Variants in DLGAP1 observed in about 807,000 individuals in gnomAD.
DLGAP1 encodes the protein DLG associated protein 1.
A neutral mutation model predicts 90.8 loss-of-function variants in DLGAP1; 11 were observed. The ratio of observed to expected loss-of-function variants is 0.12; its 90% CI spans 0.08 to 0.20. The LOEUF (loss-of-function observed/expected upper bound fraction) is 0.20, where lower values mean the gene tolerates loss of function less well. Among genes scored for constraint, DLGAP1 ranks in the 10% least tolerant of loss-of-function variants. The probability of loss-of-function intolerance (pLI) is 1.00; values close to 1 mark genes in which losing one functional copy is unlikely to be tolerated. For missense variants in DLGAP1, 1,050 were observed against 1,333.8 expected (o/e 0.79, Z 3.31); for synonymous variants, 558 against 540.7 (o/e 1.03, Z -0.44).
chr18:4,059,597 G>C (rs974959886), intron 2 of DLGAP1, among the ~76,000 whole-genome samples: 2 of 152,098 alleles, frequency 1.3e-5, no homozygotes, highest in African/African-American at 4.8e-5. Context: ...TGTAATCCCA[G>C]CTACTCGGGA....
rs192550239 is a variant in DLGAP1 at position 3,548,885 on chromosome 18, A to C, written c.2058-14270T>G. On this transcript the variant is annotated intron_variant, in intron 9 of 12. Transcript: ENST00000315677. ...AACCCCCTCTCTACTAAAAATACAAAAATTAGCTGGGTGTGCTGGCACATG... is the reference window on the plus strand; with the variant it reads ...AACCCCCTCTCTACTAAAAATACAACAATTAGCTGGGTGTGCTGGCACATG... Among the ~76,000 whole-genome samples the C allele has an allele frequency of 1.2e-3, 180 of 152,142 alleles. 1 individual carries two copies. The highest frequency in any genetic ancestry group is 4.1e-3 in the African/African-American group (172 of 41,504).
At chr18:4,285,360 A>C (rs2079661817) in intron 1 of DLGAP1, among the ~76,000 whole-genome samples, 1 of 152,236 alleles carries the variant, frequency 6.6e-6, no homozygotes, top group African/African-American at 2.4e-5. Context: ...GTTAAAAACA[A>C]GTATCTAAAG....
In DLGAP1 at chr18:4,199,337, C is replaced by T. The variant is rs141169850; in HGVS notation, c.-266-48050G>A. ...TGCAAGCATATTATATCAACGTTTT[C>T]ATTAATTTTAGTATGCCTTTAAAAA... On this transcript the variant is annotated intron_variant, in intron 1 of 12. Transcript: ENST00000315677. Among the ~76,000 whole-genome samples the T allele has an allele frequency of 1.1e-4, 17 of 152,314 alleles. No individual in the cohort carries two copies. The East Asian group carries it at 3.3e-3, about 29-fold the overall frequency.
intron 3 of DLGAP1, among the ~76,000 whole-genome samples, chr18:3,968,740 A>G (rs2073382683): frequency 6.6e-6 from 1 of 152,212 alleles, no homozygotes; most frequent in Non-Finnish European, 1.5e-5. Context: ...CCTTTCCTGA[A>G]AACTGTGAAT....
intron 3 of DLGAP1, among the ~76,000 whole-genome samples, chr18:3,999,535 G>A (rs2074137701): frequency 6.6e-6 from 1 of 152,028 alleles, no homozygotes. Context: ...CTTTTCCTAT[G>A]TGGTCAATAT....
chr18:3,679,493 T>C (rs1254875365), intron 7 of DLGAP1, among the ~76,000 whole-genome samples: 1 of 151,736 alleles, frequency 6.6e-6, no homozygotes, highest in Non-Finnish European at 1.5e-5. Context: ...CAATGAGCAC[T>C]TGATGATCAC....
At chr18:3,823,863 T>C (rs756710301) in intron 4 of DLGAP1, among the ~76,000 whole-genome samples, 1 of 145,454 alleles carries the variant, frequency 6.9e-6, no homozygotes, top group Non-Finnish European at 1.5e-5. Context: ...GGCAGGAGAA[T>C]TGCTTGAACC....
intron 7 of DLGAP1, among the ~76,000 whole-genome samples, chr18:3,615,978 G>A (rs1429092409): frequency 6.6e-6 from 1 of 152,186 alleles, no homozygotes; most frequent in Non-Finnish European, 1.5e-5. Context: ...TTCTGGCACT[G>A]CTAACAGACC....
intron 3 of DLGAP1, among the ~76,000 whole-genome samples, chr18:3,990,947 G>A (rs1250394344): frequency 3.3e-5 from 5 of 151,548 alleles, no homozygotes; most frequent in Non-Finnish European, 5.9e-5. Context: ...TTTCTAAAAT[G>A]TATGTTATTT....
intron 1 of DLGAP1, among the ~76,000 whole-genome samples, chr18:4,346,371 A>C (rs2143919307): frequency 6.6e-6 from 1 of 152,318 alleles, no homozygotes; most frequent in Middle Eastern, 3.4e-3. Flanking sequence ...TGTGAAAAAA[A>C]GAAATAAGGT....
At chr18:3,800,080 A>G (rs903642074) in intron 5 of DLGAP1, among the ~76,000 whole-genome samples, 15 of 152,226 alleles carry the variant, frequency 9.9e-5, no homozygotes, top group African/African-American at 3.1e-4. Flanking sequence ...GCATAGTCTC[A>G]GAACCCAGTC....
At chr18:4,183,719 G>A (rs539761875) in intron 1 of DLGAP1, among the ~76,000 whole-genome samples, 35 of 152,176 alleles carry the variant, frequency 2.3e-4, no homozygotes, top group African/African-American at 7.5e-4. Context: ...CTTGGAAGAC[G>A]TCAGATAATC....
Position 4,063,447 on chromosome 18 carries a change from T to C in DLGAP1, c.-158-58246A>G, listed in dbSNP as rs1298195657. ...TTTTATTCTGAAGGAAATTAAAATA[T>C]TTTACCCCAAAATATATTTTTTGAC... is the stretch of plus-strand genomic sequence containing the variant. On this transcript the variant is annotated intron_variant, in intron 2 of 12. Transcript: ENST00000315677. Among the ~76,000 whole-genome samples, 3 of 152,044 alleles carry C rather than the reference T, an allele frequency of 2.0e-5. No individual in the cohort carries two copies. In the East Asian group the frequency reaches 5.8e-4, roughly 29 times the overall value.
intron 1 of DLGAP1, among the ~76,000 whole-genome samples, chr18:4,437,012 A>G (rs1219863390): frequency 6.6e-6 from 1 of 152,226 alleles, no homozygotes; most frequent in Non-Finnish European, 1.5e-5. Flanking sequence ...AAGGAAGACT[A>G]TGGTTTTCTC....
At chr18:3,889,605 C>T (rs560467884) in intron 3 of DLGAP1, among the ~76,000 whole-genome samples, 152 of 152,248 alleles carry the variant, frequency 1.0e-3, no homozygotes, top group African/African-American at 3.3e-3. Flanking sequence ...GGAATTTCTT[C>T]CCTACTCACA....
chr18:4,306,415 GAGAA>G (rs917170903), intron 1 of DLGAP1, among the ~76,000 whole-genome samples: 3 of 141,590 alleles, frequency 2.1e-5, no homozygotes, highest in Non-Finnish European at 4.6e-5. Flanking sequence ...AATAAAAAAA[GAGAA>G]AGTAAGAGTG....
Position 3,536,475 on chromosome 18 carries a change from C to T in DLGAP1, c.2058-1860G>A, listed in dbSNP as rs577274642. Among the ~76,000 whole-genome samples, 3 of 152,252 alleles carry T rather than the reference C, an allele frequency of 2.0e-5. No individual in the cohort carries two copies. The South Asian group carries it at 6.2e-4, about 32-fold the overall frequency. ...CTGACCTCAGGTGATCTGCCTGCCT[C>T]TGCCTCCCAAAGTGCTGGGATTACA... On this transcript the variant is annotated intron_variant, in intron 9 of 12. Transcript: ENST00000315677.
intron 2 of DLGAP1, among the ~76,000 whole-genome samples, chr18:4,130,948 T>C (rs1033242806): frequency 6.6e-6 from 1 of 152,086 alleles, no homozygotes; most frequent in Non-Finnish European, 1.5e-5. Flanking sequence ...CAGGAAAATA[T>C]GACAAGGATT....
chr18:3,612,003 A>G (rs1014034363), intron 7 of DLGAP1, among the ~76,000 whole-genome samples: 1 of 152,372 alleles, frequency 6.6e-6, no homozygotes, highest in South Asian at 2.1e-4. Context: ...ATCCACTTAC[A>G]TTACTAAAGC....
Sources: gnomAD v4.1 joint callset for allele counts (sites outside exome capture counted in the v4.1 genomes callset) on GRCh38, gnomAD v4.1.1 for gene constraint, MANE v1.5 for transcripts, NCBI Gene and HGNC (gene_info 2026-07-23, HGNC 2026-07-21) for gene names.